The following KIAA1549 variants were observed in gnomAD, a reference collection of about 807,000 sequenced individuals.
KIAA1549 encodes KIAA1549, also known as UPF0606 protein KIAA1549.
In KIAA1549, 70 loss-of-function variants were observed where a neutral mutation model predicts 156.4. The ratio of observed to expected loss-of-function variants is 0.45; its 90% confidence interval spans 0.37 to 0.55. The LOEUF (loss-of-function observed/expected upper bound fraction) is 0.55, where lower values mean the gene tolerates loss of function less well. Ranked by LOEUF, KIAA1549 falls within the 20% of genes least tolerant of loss-of-function variation. The pLI, the probability that KIAA1549 is intolerant of heterozygous loss-of-function variation, is 0.00. For synonymous variants in KIAA1549, 1,103 were observed against 1,066.4 expected (o/e 1.03, Z -0.67); for missense variants, 2,428 against 2,540.9 (o/e 0.96, Z 0.96).
At chr7:138,905,834 C>T (rs1163817281) in intron 6 of KIAA1549, among the ~76,000 whole-genome samples, 6 of 152,072 alleles carry the variant, frequency 3.9e-5, no homozygotes, top group Non-Finnish European at 8.8e-5. Context: ...AAAATTTACA[C>T]AGTAAATGTC....
intron 10 of KIAA1549, among the ~76,000 whole-genome samples, chr7:138,883,183 G>C (rs1811296629): frequency 7.1e-6 from 1 of 141,228 alleles, no homozygotes; most frequent in South Asian, 2.3e-4. Flanking sequence ...TGAGGCAGGA[G>C]AATCACTTCA....
rs1205141713 is a variant in KIAA1549 at position 138,965,861 on chromosome 7, T to G, written c.187+15222A>C. ...GTGCAAGAAATTTTACATCATCCTC[T>G]GATCAAAACCCTCTATGATCCTCCA... On this transcript the variant is annotated intron_variant, in intron 1 of 19. Coordinates refer to ENST00000422774, the MANE Select transcript of KIAA1549 (RefSeq NM_001164665.2). Among the ~76,000 whole-genome samples the G allele has an allele frequency of 3.9e-5, 6 of 152,330 alleles. No individual in the cohort carries two copies. In the East Asian group the frequency reaches 1.2e-3, roughly 29 times the overall value.
chr7:138,852,404 C>T, intron 16 of KIAA1549, 135 bp from the exon 17 acceptor site: 2 of 617,612 alleles, frequency 3.2e-6, no homozygotes, highest in Admixed American at 3.5e-5. Flanking sequence ...TAGCATGTTA[C>T]CGGGCACTCT....
chr7:138,918,478 A>G lies in KIAA1549; in HGVS notation c.1148T>C (p.Leu383Pro). Residue 383 changes from leucine (L) to proline (P), a missense_variant, in exon 2 of 20, where the codon CTC becomes CCC. This residue lies in a region of KIAA1549 where 893 missense variants were observed against 847.9 expected (regional missense o/e 1.05). Transcript: ENST00000422774. This position sits in a 1 kb window ranked among gnomAD's most constrained non-coding sequence, Gnocchi z 4.2. The stretch of plus-strand genomic sequence containing the variant: ...GGATGTTTTGCTGGAGTCGCTAGGG[A>G]GAAAGGGGTTAGATGAAACATCAGT... Reference protein sequence around the residue: ...SPTDVSSNPFLPSDSSKTSEL... With the variant: ...SPTDVSSNPFPPSDSSKTSEL... 1 of 1,613,956 alleles carries G rather than the reference A, an allele frequency of 6.2e-7. No individual in the cohort carries two copies. The highest frequency in any genetic ancestry group is 8.5e-7 in the Non-Finnish European group (1 of 1,179,868).
chr7:138,846,671 C>T (rs541152140), intron 17 of KIAA1549, among the ~76,000 whole-genome samples: 37 of 151,978 alleles, frequency 2.4e-4, no homozygotes, highest in African/African-American at 8.9e-4. Flanking sequence ...GTTTTGATCT[C>T]ACAGACACGC....
intron 1 of KIAA1549, among the ~76,000 whole-genome samples, chr7:138,972,333 A>C (rs1814243597): frequency 1.3e-5 from 2 of 151,688 alleles, no homozygotes; most frequent in African/African-American, 2.4e-5. Flanking sequence ...CCACTTCTGA[A>C]ACTCGGCACA....
intron 1 of KIAA1549, among the ~76,000 whole-genome samples, chr7:138,948,876 G>A (rs138758124): frequency 0.012 from 1,809 of 151,910 alleles, 38 homozygotes; most frequent in African/African-American, 0.042. Flanking sequence ...CTAATTTTTT[G>A]TATTTTTAGT....
chr7:138,964,899 T>C (rs931997989), intron 1 of KIAA1549, among the ~76,000 whole-genome samples: 2 of 152,206 alleles, frequency 1.3e-5, no homozygotes, highest in African/African-American at 4.8e-5. Context: ...AGAAAGTAAT[T>C]GGAAAAGTGT....
chr7:138,940,648 C>T (rs1226982744), intron 1 of KIAA1549, among the ~76,000 whole-genome samples: 2 of 152,030 alleles, frequency 1.3e-5, no homozygotes, highest in African/African-American at 2.4e-5. Flanking sequence ...AAAAGTGTTC[C>T]TATTTCTCCA....
At chr7:138,947,775 A>G (rs1215966231) in intron 1 of KIAA1549, among the ~76,000 whole-genome samples, 1 of 148,730 alleles carries the variant, frequency 6.7e-6, no homozygotes, top group Non-Finnish European at 1.5e-5. Flanking sequence ...TTTTTTTTTT[A>G]TTTTTAAGAC....
chr7:138,962,704 T>C lies in KIAA1549; in HGVS notation c.187+18379A>G, dbSNP rs141487934. Among the ~76,000 whole-genome samples, 325 of 152,296 alleles carry C rather than the reference T, an allele frequency of 2.1e-3. 4 individuals are homozygous for C. The highest frequency in any genetic ancestry group is 0.014 in the Middle Eastern group (4 of 294). On this transcript the variant is annotated intron_variant, in intron 1 of 19. Transcript: ENST00000422774. ...AGTGAGTGACCCCAGCTGAGTTTCATGGAGCAGAATTATCCATCCGAGACC... is the reference window on the plus strand; with the variant it reads ...AGTGAGTGACCCCAGCTGAGTTTCACGGAGCAGAATTATCCATCCGAGACC...
chr7:138,927,959 C>A (rs1442895697), intron 1 of KIAA1549, among the ~76,000 whole-genome samples: 1 of 147,090 alleles, frequency 6.8e-6, no homozygotes, highest in African/African-American at 2.5e-5. Flanking sequence ...CTTGCTCTGT[C>A]GCCCAGGCTG....
chr7:138,866,713 T>C (rs1244910928), intron 15 of KIAA1549, among the ~76,000 whole-genome samples: 1 of 152,266 alleles, frequency 6.6e-6, no homozygotes, highest in Non-Finnish European at 1.5e-5. Flanking sequence ...CTCAATGCAG[T>C]CTGTGTGTAT....
In KIAA1549 at chr7:138,901,985, A is replaced by C. The variant is rs571005889; in HGVS notation, c.3669+1603T>G. On this transcript the variant is annotated intron_variant, in intron 8 of 19. Transcript: ENST00000422774. ...CTGTATTATACTTTCACGGTGTCCTATAACTATTTCATGTGCAGAAGTTAA... is the reference window on the plus strand; with the variant it reads ...CTGTATTATACTTTCACGGTGTCCTCTAACTATTTCATGTGCAGAAGTTAA... 2.0e-5 allele frequency among the ~76,000 whole-genome samples: 3 copies of C among 152,332 alleles called. No homozygotes were observed. In the East Asian group the frequency reaches 5.8e-4, roughly 29 times the overall value.
chr7:138,945,859 A>G (rs1047947223), intron 1 of KIAA1549, among the ~76,000 whole-genome samples: 3 of 152,078 alleles, frequency 2.0e-5, no homozygotes, highest in African/African-American at 7.2e-5. Context: ...CCAGGAGTTC[A>G]AGGCTGCAAT....
At chr7:138,928,051 G>C (rs1022506389) in intron 1 of KIAA1549, among the ~76,000 whole-genome samples, 10 of 151,298 alleles carry the variant, frequency 6.6e-5, no homozygotes, top group Admixed American at 3.3e-4. Context: ...CTCCCGAGTA[G>C]CTGGGACTAC....
At chr7:138,969,697 A>G (rs903009114) in intron 1 of KIAA1549, among the ~76,000 whole-genome samples, 1 of 152,018 alleles carries the variant, frequency 6.6e-6, no homozygotes, top group Non-Finnish European at 1.5e-5. Flanking sequence ...GGATCAAGCA[A>G]TTCTCCTGCC....
At chr7:138,863,780 G>A (rs1167576591) in intron 15 of KIAA1549, among the ~76,000 whole-genome samples, 2 of 152,120 alleles carry the variant, frequency 1.3e-5, no homozygotes, top group African/African-American at 4.8e-5. Context: ...TCTTGCACAT[G>A]ACACTCTTGG....
chr7:138,966,176 C>T (rs935198869), intron 1 of KIAA1549, among the ~76,000 whole-genome samples: 4 of 152,106 alleles, frequency 2.6e-5, no homozygotes, highest in African/African-American at 4.8e-5. Flanking sequence ...TGTGACCTTA[C>T]GTGGAAACAG....
Sources: gnomAD v4.1 joint callset for allele counts (sites outside exome capture counted in the v4.1 genomes callset) on GRCh38, gnomAD v4.1.1 for gene constraint, gnomAD v4.1.1 regional missense constraint, Gnocchi (gnomAD v3.1) non-coding constraint, MANE v1.5 for transcripts, NCBI Gene and HGNC (gene_info 2026-07-23, HGNC 2026-07-21) for gene names.